Variants in ZNF331 observed in about 807,000 individuals in gnomAD.
The protein encoded by ZNF331 is zinc finger protein 331.
Under a neutral mutation model 7.0 loss-of-function variants are expected in ZNF331, and 2 were observed. The ratio of observed to expected loss-of-function variants is 0.29; its 90% CI spans 0.12 to 0.90. The LOEUF is 0.90. ZNF331 is among the 40% of genes least tolerant of loss of function. The pLI, the probability that ZNF331 is intolerant of heterozygous loss-of-function variation, is 0.58. For missense variants in ZNF331, 432 were observed against 587.7 expected (o/e 0.74, Z 2.74); for synonymous variants, 196 against 205.4 (o/e 0.95, Z 0.39).
intron 2 of ZNF331, among the ~76,000 whole-genome samples, chr19:53,531,571 G>A (rs965652845): frequency 6.6e-5 from 10 of 152,198 alleles, no homozygotes; most frequent in African/African-American, 2.4e-4. Context: ...TTTTCCCTAA[G>A]CCTGATTTTC....
chr19:53,515,029 AG>A (rs1488678901), upstream of ZNF331, among the ~76,000 whole-genome samples: 1 of 152,228 alleles, frequency 6.6e-6, no homozygotes, highest in Non-Finnish European at 1.5e-5. Context: ...GAAGCTTTCC[AG>A]TATTTGTAGT....
the ZNF331 span, among the ~76,000 whole-genome samples, chr19:53,506,211 T>C: frequency 7.5e-6 from 1 of 133,966 alleles, no homozygotes; most frequent in African/African-American, 3.0e-5. Context: ...GGCGGGCGCC[T>C]GTAATCCCAG....
chr19:53,562,414 G>A (rs1225089252), intron 3 of ZNF331, among the ~76,000 whole-genome samples: 2 of 152,116 alleles, frequency 1.3e-5, no homozygotes, highest in Non-Finnish European at 2.9e-5. Flanking sequence ...TTCACGCCGG[G>A]TGCAGTGGCT....
intron 3 of ZNF331, among the ~76,000 whole-genome samples, chr19:53,556,148 CAGG>C (rs2089400136): frequency 6.7e-6 from 1 of 148,220 alleles, no homozygotes; most frequent in Non-Finnish European, 1.5e-5. Context: ...GAGGCTGAGG[CAGG>C]AGAATGGCGG....
intron 3 of ZNF331, among the ~76,000 whole-genome samples, chr19:53,568,660 A>G (rs2090282127): frequency 6.6e-6 from 1 of 151,822 alleles, no homozygotes; most frequent in Non-Finnish European, 1.5e-5. Context: ...AGGCAAGTAC[A>G]CATTCTTTAC....
intron 2 of ZNF331, among the ~76,000 whole-genome samples, chr19:53,546,140 G>GAA (rs527391326): frequency 0.21 from 23,360 of 113,104 alleles, 3,178 homozygotes; most frequent in Middle Eastern, 0.29. Flanking sequence ...TCCTGAGGGG[G>GAA]AAAAAAAAAA....
chr19:53,532,544 G>A (rs1213754963), intron 2 of ZNF331, among the ~76,000 whole-genome samples: 1 of 152,102 alleles, frequency 6.6e-6, no homozygotes, highest in Non-Finnish European at 1.5e-5. Flanking sequence ...GAATAATACT[G>A]CAGCAACTTG....
At position 53,560,733 on chromosome 19, in the gene ZNF331, G is replaced by T. The variant is rs1177708584; in HGVS notation, c.-74+4825G>T. On this transcript the variant is annotated intron_variant, in intron 3 of 5. Coordinates refer to ENST00000449416, the MANE Select transcript of ZNF331 (RefSeq NM_001079906.2). This position sits in a 1 kb window ranked among gnomAD's most constrained non-coding sequence, Gnocchi z 4.3. ...TAGTTCGTGACCCCTTCTTCCATCA[G>T]CAAAGCCTGAAAAGACAAGTCCTTT... Among the ~76,000 whole-genome samples, 1 of 152,084 alleles carries T rather than the reference G, an allele frequency of 6.6e-6. No homozygotes were observed. The highest frequency in any genetic ancestry group is 2.4e-5 in the African/African-American group (1 of 41,400).
At chr19:53,511,254 G>C in the ZNF331 span, among the ~76,000 whole-genome samples, 3 of 151,926 alleles carry the variant, frequency 2.0e-5, no homozygotes, top group Non-Finnish European at 4.4e-5. Context: ...ATACAATATG[G>C]AAATTATAAG....
At chr19:53,552,277 C>CA (rs1275609827) in intron 2 of ZNF331, among the ~76,000 whole-genome samples, 1 of 152,160 alleles carries the variant, frequency 6.6e-6, no homozygotes, top group Non-Finnish European at 1.5e-5. Context: ...TGAGAGGGAA[C>CA]ATTTCCTCCT....
At chr19:53,561,536 T>C (rs760511068) in intron 3 of ZNF331, among the ~76,000 whole-genome samples, 3 of 152,196 alleles carry the variant, frequency 2.0e-5, no homozygotes, top group Non-Finnish European at 2.9e-5. Context: ...ATCATGTGAC[T>C]ACTCCAGAGA....
intron 3 of ZNF331, among the ~76,000 whole-genome samples, chr19:53,559,861 A>G (rs1044497882): frequency 1.3e-5 from 2 of 151,260 alleles, no homozygotes; most frequent in African/African-American, 4.9e-5. Context: ...TATACATACC[A>G]TACACACACG....
chr19:53,576,524 C>A (rs908966156), intron 5 of ZNF331, among the ~76,000 whole-genome samples, 173 bp from the exon 6 acceptor site: 14 of 152,112 alleles, frequency 9.2e-5, no homozygotes, highest in African/African-American at 3.4e-4. Context: ...CCAATGAATT[C>A]TCAGTTAGTA....
At chr19:53,510,871 ATTTG>A in the ZNF331 span, among the ~76,000 whole-genome samples, 1 of 152,158 alleles carries the variant, frequency 6.6e-6, no homozygotes, top group Non-Finnish European at 1.5e-5. Flanking sequence ...CATTTAACAT[ATTTG>A]TTAAAATTAT....
At position 53,573,457 on chromosome 19, in the gene ZNF331, C is replaced by T. The variant is rs1360391394; in HGVS notation, c.136+1727C>T. 6.6e-6 allele frequency among the ~76,000 whole-genome samples: 1 copy of T among 151,782 alleles called. No individual in the cohort carries two copies. Among genetic ancestry groups the T allele is most frequent in the Non-Finnish European group, 1.5e-5 (1 of 67,954 alleles). On this transcript the variant is annotated intron_variant, in intron 5 of 5. Transcript: ENST00000449416. This position sits in a 1 kb window ranked among gnomAD's most constrained non-coding sequence, Gnocchi z 4.2. The stretch of plus-strand genomic sequence containing the variant: ...TTGAACCCGGGAGGTAGAGGTATAG[C>T]ATTTCTTTTTTTTTTTAAGTTGAGA...
At position 53,573,702 on chromosome 19, in the gene ZNF331, A is replaced by G. The variant is rs755241693; in HGVS notation, c.136+1972A>G. On this transcript the variant is annotated intron_variant, in intron 5 of 5. Coordinates refer to ENST00000449416, the MANE Select transcript of ZNF331 (RefSeq NM_001079906.2). The surrounding 1 kb of genome is among the most constrained non-coding windows in gnomAD (Gnocchi z 4.2). The stretch of plus-strand genomic sequence containing the variant: ...CAAGCTGATCTTGAACTCCTGGGCT[A>G]AAGGAATCCACCCACCTCAGCCTTC... 7.2e-5 allele frequency among the ~76,000 whole-genome samples: 11 copies of G among 152,054 alleles called. No homozygotes were observed. Among genetic ancestry groups the G allele is most frequent in the Non-Finnish European group, 1.2e-4 (8 of 67,986 alleles).
chr19:53,571,476 C>T lies in ZNF331; in HGVS notation c.10-128C>T. The stretch of plus-strand genomic sequence containing the variant: ...CAGTTACAGTGATGTCCTTACCGCC[C>T]CTTGCCGATGTCACGGGTGTTCAGT... On this transcript the variant is annotated intron_variant, in intron 4 of 5. Transcript: ENST00000449416. The surrounding 1 kb of genome is among the most constrained non-coding windows in gnomAD (Gnocchi z 4.7). 2.5e-6 allele frequency: 3 copies of T among 1,176,636 alleles called. No homozygotes were observed. Among genetic ancestry groups the T allele is most frequent in the Non-Finnish European group, 3.6e-6 (3 of 824,602 alleles). 72.9% of individuals were successfully genotyped at this position (1,176,636 alleles called of 1,614,324 possible).
rs2089582080 is a variant in ZNF331, at chr19:53,558,599, A to T, written c.-74+2691A>T. Among the ~76,000 whole-genome samples, 1 of 152,058 alleles carries T rather than the reference A, an allele frequency of 6.6e-6. No homozygotes were observed. Among genetic ancestry groups the T allele is most frequent in the Non-Finnish European group, 1.5e-5 (1 of 67,992 alleles). ...ATTCTTCTTGGCCTCTCAGTGCAGCATTCCTTCCTACAGGTACAGGGCAGG... is the reference window on the plus strand; with the variant it reads ...ATTCTTCTTGGCCTCTCAGTGCAGCTTTCCTTCCTACAGGTACAGGGCAGG... On this transcript the variant is annotated intron_variant, in intron 3 of 5. Coordinates refer to ENST00000449416, the MANE Select transcript of ZNF331 (RefSeq NM_001079906.2). The surrounding 1 kb of genome is among the most constrained non-coding windows in gnomAD (Gnocchi z 4.5).
chr19:53,544,095 C>CGG, intron 2 of ZNF331, among the ~76,000 whole-genome samples: 1 of 151,252 alleles, frequency 6.6e-6, no homozygotes. Context: ...GGCGTGGTGG[C>CGG]ATGCACCTGT....
Sources: allele counts gnomAD v4.1 joint callset (sites outside exome capture counted in the v4.1 genomes callset), GRCh38; gene constraint gnomAD v4.1.1; non-coding constraint Gnocchi (gnomAD v3.1); transcripts MANE v1.5; gene names NCBI Gene and HGNC (gene_info 2026-07-23, HGNC 2026-07-21).